UST: variants seen among roughly 807,000 people sequenced by gnomAD.
UST encodes uronyl 2-sulfotransferase.
UST carries 21 observed loss-of-function variants against 45.6 expected under a neutral mutation model. The observed-to-expected ratio is 0.46, with a 90% confidence interval of 0.33 to 0.66. The LOEUF (loss-of-function observed/expected upper bound fraction) is 0.66. Among genes scored for constraint, UST ranks in the 30% least tolerant of loss-of-function variants. The pLI is 0.02. For missense variants in UST, 463 were observed against 512.4 expected (o/e 0.90, Z 0.93); for synonymous variants, 215 against 200.6 (o/e 1.07, Z -0.61).
rs1779980022 is a variant in UST, at chr6:148,934,373, T to A, written c.292-6906T>A. Among the ~76,000 whole-genome samples the A allele has an allele frequency of 6.6e-6, 1 of 152,244 alleles. No homozygotes were observed. Among genetic ancestry groups the A allele is most frequent in the South Asian group, 2.1e-4 (1 of 4,832 alleles). ...GAAAAATCATGAACTGCAGTTTTAT[T>A]CGTCAAGCAAAGTCATTTCACAGTC... On this transcript the variant is annotated intron_variant, in intron 2 of 7. Transcript: ENST00000367463. The surrounding 1 kb of genome is among the most constrained non-coding windows in gnomAD (Gnocchi z 4.1).
At chr6:148,834,694 A>C (rs1777754554) in intron 1 of UST, among the ~76,000 whole-genome samples, 1 of 152,168 alleles carries the variant, frequency 6.6e-6, no homozygotes, top group African/African-American at 2.4e-5. Context: ...GCGCCACTGC[A>C]CTCCAGCCTG....
At chr6:149,009,560 A>AACACAC (rs113280120) in intron 5 of UST, among the ~76,000 whole-genome samples, 8,544 of 143,006 alleles carry the variant, frequency 0.06, 378 homozygotes, top group South Asian at 0.12. Context: ...CTGATGTTAA[A>AACACAC]ACACACACAC....
intron 1 of UST, among the ~76,000 whole-genome samples, chr6:148,821,543 G>A (rs1171757156): frequency 6.6e-6 from 1 of 152,258 alleles, no homozygotes; most frequent in African/African-American, 2.4e-5. Context: ...ACAAGTATTT[G>A]GTGCTTAGTA....
chr6:148,972,415 G>A (rs1476914296), intron 5 of UST, among the ~76,000 whole-genome samples: 3 of 152,218 alleles, frequency 2.0e-5, no homozygotes, highest in African/African-American at 7.2e-5. Flanking sequence ...AGAGCAAGAG[G>A]CTCACTCTGG....
intron 5 of UST, chr6:148,990,291 G>T (rs776130270): frequency 2.7e-5 from 17 of 629,890 alleles, no homozygotes; most frequent in Non-Finnish European, 3.4e-5. Flanking sequence ...TAATAAACAG[G>T]AACTGGTTTT....
At chr6:148,874,247 G>A (rs563990660) in intron 1 of UST, among the ~76,000 whole-genome samples, 2 of 152,264 alleles carry the variant, frequency 1.3e-5, no homozygotes, top group African/African-American at 4.8e-5. Flanking sequence ...TTTATATTTC[G>A]GTTGTTATTA....
intron 1 of UST, among the ~76,000 whole-genome samples, chr6:148,830,611 G>T (rs1436797563): frequency 6.6e-6 from 1 of 152,186 alleles, no homozygotes; most frequent in East Asian, 1.9e-4. Context: ...TTTTGGATTA[G>T]AAACTAGGAA....
At chr6:149,062,647 G>A (rs1434290934) in intron 7 of UST, among the ~76,000 whole-genome samples, 2 of 152,232 alleles carry the variant, frequency 1.3e-5, no homozygotes, top group African/African-American at 4.8e-5. Flanking sequence ...AGGGCAAGGA[G>A]AAGTGGGTGG....
chr6:148,798,143 G>A (rs552194426), intron 1 of UST, among the ~76,000 whole-genome samples: 1 of 152,178 alleles, frequency 6.6e-6, no homozygotes, highest in African/African-American at 2.4e-5. Flanking sequence ...AGCCTGCACC[G>A]AGCAGGCACA....
intron 2 of UST, among the ~76,000 whole-genome samples, chr6:148,924,449 C>T (rs1158669785): frequency 6.6e-6 from 1 of 152,164 alleles, no homozygotes; most frequent in African/African-American, 2.4e-5. Flanking sequence ...AGGAAGTTAG[C>T]AGCTGTGAGT....
At chr6:149,047,566 C>T (rs561671639) in intron 7 of UST, among the ~76,000 whole-genome samples, 24 of 152,260 alleles carry the variant, frequency 1.6e-4, no homozygotes, top group African/African-American at 5.5e-4. Flanking sequence ...TTTTGGGATA[C>T]TTAAATGAGG....
At chr6:149,029,971 A>T (rs1419078197) in intron 7 of UST, among the ~76,000 whole-genome samples, 1 of 151,828 alleles carries the variant, frequency 6.6e-6, no homozygotes, top group Non-Finnish European at 1.5e-5. Flanking sequence ...CTCATACATG[A>T]TGCAATCATC....
At chr6:148,993,488 A>G (rs186709545) in intron 5 of UST, among the ~76,000 whole-genome samples, 6 of 152,326 alleles carry the variant, frequency 3.9e-5, no homozygotes, top group African/African-American at 1.4e-4. Context: ...CTTAGTGCTA[A>G]AAGTTAAGGA....
At chr6:148,850,781 G>A (rs1017868245) in intron 1 of UST, among the ~76,000 whole-genome samples, 9 of 152,282 alleles carry the variant, frequency 5.9e-5, no homozygotes, top group African/African-American at 1.9e-4. Flanking sequence ...CACTGATGTC[G>A]TGGACTCTAC....
chr6:149,023,483 C>T (rs1037998330), intron 7 of UST, among the ~76,000 whole-genome samples: 1 of 152,214 alleles, frequency 6.6e-6, no homozygotes, highest in East Asian at 1.9e-4. Context: ...GCCAGGACCA[C>T]CCAACTAAGC....
chr6:148,787,945 T>C (rs1173765990), intron 1 of UST, among the ~76,000 whole-genome samples: 1 of 152,218 alleles, frequency 6.6e-6, no homozygotes, highest in Non-Finnish European at 1.5e-5. Context: ...TTCTTGAATT[T>C]TTAAGTCAGT....
intron 1 of UST, among the ~76,000 whole-genome samples, chr6:148,761,143 G>A (rs1316792504): frequency 3.3e-5 from 5 of 152,176 alleles, no homozygotes; most frequent in African/African-American, 7.2e-5. Context: ...GGCCCCCAGC[G>A]GGCTGGCTGG....
chr6:148,834,046 AGTCT>A (rs1455468788), intron 1 of UST, among the ~76,000 whole-genome samples: 3 of 152,096 alleles, frequency 2.0e-5, no homozygotes, highest in Non-Finnish European at 4.4e-5. Flanking sequence ...TATGGGTAAG[AGTCT>A]GTCTTAGATA....
intron 2 of UST, among the ~76,000 whole-genome samples, chr6:148,937,206 A>T (rs920256585): frequency 1.3e-5 from 2 of 152,224 alleles, no homozygotes; most frequent in African/African-American, 2.4e-5. Context: ...TTTAAAACTC[A>T]CAAGGCTGAT....
Sources: gnomAD v4.1 joint callset for allele counts (sites outside exome capture counted in the v4.1 genomes callset) on GRCh38, gnomAD v4.1.1 for gene constraint, Gnocchi (gnomAD v3.1) non-coding constraint, MANE v1.5 for transcripts, NCBI Gene and HGNC (gene_info 2026-07-23, HGNC 2026-07-21) for gene names.